Variants in WHRN observed in about 807,000 individuals in gnomAD.
The protein encoded by WHRN is CASK-interacting protein CIP98.
A neutral mutation model predicts 68.3 loss-of-function variants in WHRN; 41 were observed. That is an observed-to-expected ratio of 0.60 (90% CI 0.47 to 0.78). WHRN has a LOEUF of 0.78. Ranked by LOEUF, WHRN falls within the 30% of genes least tolerant of loss-of-function variation. WHRN has a pLI of 0.00. For missense variants in WHRN, 1,243 were observed against 1,244.7 expected (o/e 1.00, Z 0.02); for synonymous variants, 560 against 561.3 (o/e 1.00, Z 0.03).
At chr9:114,495,177 G>A (rs1221143365) in intron 1 of WHRN, among the ~76,000 whole-genome samples, 2 of 152,280 alleles carry the variant, frequency 1.3e-5, no homozygotes, top group Non-Finnish European at 2.9e-5. Context: ...CCAAACACCA[G>A]GTTGAGGAGC....
At chr9:114,490,947 A>T (rs1744811770) in intron 1 of WHRN, among the ~76,000 whole-genome samples, 1 of 152,218 alleles carries the variant, frequency 6.6e-6, no homozygotes, top group South Asian at 2.1e-4. Context: ...TTAGTCTGTT[A>T]TAATTTAAGT....
chr9:114,498,483 G>A (rs1033835613), intron 1 of WHRN, among the ~76,000 whole-genome samples: 1 of 152,116 alleles, frequency 6.6e-6, no homozygotes, highest in Admixed American at 6.5e-5. Flanking sequence ...CATCTCTGAT[G>A]TCCAAGTATC....
intron 7 of WHRN, among the ~76,000 whole-genome samples, chr9:114,411,946 G>A (rs1413210546): frequency 7.9e-5 from 12 of 152,338 alleles, no homozygotes; most frequent in Non-Finnish European, 1.5e-4. Flanking sequence ...CAACCCTCTT[G>A]GAAATGAGAG....
At chr9:114,460,311 G>A (rs1331635005) in intron 3 of WHRN, among the ~76,000 whole-genome samples, 1 of 152,210 alleles carries the variant, frequency 6.6e-6, no homozygotes, top group Non-Finnish European at 1.5e-5. Context: ...TCACCTCTCT[G>A]AGCCTCAGTT....
rs985373215 is a variant in WHRN, at chr9:114,486,689, G to A, written c.619-7918C>T. ...ACACATGGAATTTGGAGAGACAAGTGAAGAAAGTGTGGTTAAGAGCCACAG... is the reference window on the plus strand; with the variant it reads ...ACACATGGAATTTGGAGAGACAAGTAAAGAAAGTGTGGTTAAGAGCCACAG... On this transcript the variant is annotated intron_variant, in intron 1 of 11. Coordinates refer to ENST00000362057, the MANE Select transcript of WHRN (RefSeq NM_015404.4). Among the ~76,000 whole-genome samples, 6 of 151,482 alleles carry A rather than the reference G, an allele frequency of 4.0e-5. No homozygotes were observed. The Admixed American group carries it at 4.0e-4, about 10-fold the overall frequency.
chr9:114,442,869 G>A (rs1410106859), intron 3 of WHRN, among the ~76,000 whole-genome samples: 2 of 152,000 alleles, frequency 1.3e-5, no homozygotes, highest in South Asian at 2.1e-4. Flanking sequence ...TTAGAGCAAC[G>A]CAAAACGCAC....
At chr9:114,469,853 C>T (rs1026865822) in intron 2 of WHRN, among the ~76,000 whole-genome samples, 7 of 152,234 alleles carry the variant, frequency 4.6e-5, no homozygotes, top group African/African-American at 1.7e-4. Context: ...GAGGAGAACC[C>T]GCTTCCTTGC....
intron 3 of WHRN, among the ~76,000 whole-genome samples, chr9:114,453,644 A>G (rs1839525236): frequency 6.6e-6 from 1 of 152,254 alleles, no homozygotes; most frequent in Admixed American, 6.5e-5. Flanking sequence ...CACAACTTGG[A>G]TGAATGGACC....
intron 1 of WHRN, among the ~76,000 whole-genome samples, chr9:114,502,347 G>A (rs1210081889): frequency 6.6e-6 from 1 of 152,172 alleles, no homozygotes; most frequent in Non-Finnish European, 1.5e-5. Context: ...TCCCTTGCCA[G>A]CAAGGGTTTA....
chr9:114,494,928 G>T (rs1251409222), intron 1 of WHRN, among the ~76,000 whole-genome samples: 1 of 50,348 alleles, frequency 2.0e-5, no homozygotes, highest in African/African-American at 6.1e-5. Context: ...CCATGACACT[G>T]GGGGGGGGAG....
chr9:114,469,522 A>G lies in WHRN; in HGVS notation c.838-3130T>C, dbSNP rs187001480. Among the ~76,000 whole-genome samples the G allele has an allele frequency of 4.7e-3, 720 of 152,150 alleles. 18 individuals carry two copies. Among genetic ancestry groups the G allele is most frequent in the Non-Finnish European group, 1.7e-3 (114 of 67,988 alleles). On this transcript the variant is annotated intron_variant, in intron 2 of 11. Transcript: ENST00000362057. ...AAGGGAGCACCTCACCAGGGTCACA[A>G]CCCTCCCTGGAGGCAGCTCTGTGGC...
intron 3 of WHRN, among the ~76,000 whole-genome samples, chr9:114,443,561 C>T (rs145682472): frequency 5.3e-5 from 8 of 152,318 alleles, no homozygotes; most frequent in Non-Finnish European, 7.4e-5. Flanking sequence ...TGATGACACG[C>T]GACCCACCAG....
In WHRN at chr9:114,406,360, G is replaced by A. The variant is rs751846994; in HGVS notation, c.2231C>T (p.Thr744Met). Residue 744 changes from threonine (T) to methionine (M), a missense_variant, in exon 9 of 12, where the codon ACG becomes ATG. Transcript: ENST00000362057. The part of the protein sequence containing the change: ...DVNEVRALPQ[T>M]RTASTLSQLS... Reference sequence around the variant, plus strand: ...CCTGGCCTTGCTGTACTCACTGCGCGTCTGGGGCAGCGCCCTCACTTCATT... The same window carrying A: ...CCTGGCCTTGCTGTACTCACTGCGCATCTGGGGCAGCGCCCTCACTTCATT... 1.9e-5 allele frequency: 31 copies of A among 1,613,990 alleles called. No individual in the cohort carries two copies. Among genetic ancestry groups the A allele is most frequent in the South Asian group, 6.6e-5 (6 of 91,090 alleles).
Position 114,406,824 on chromosome 9 carries a change from G to C in WHRN, c.1767C>G (p.Ala589=). ...GGCCTAGTGGGAGGTCGTTGCCTTG[G>C]GCCAGAGGTGGTGGGCGAGGCAGTG... ...FKPLPRPPPL[A]QGNDLPLGQP... is the part of the protein sequence containing the mutation. Residue 589 remains alanine, a synonymous_variant, in exon 9 of 12, where the codon GCC becomes GCG. Transcript: ENST00000362057. 5.0e-6 allele frequency: 8 copies of C among 1,609,548 alleles called. No homozygotes were observed. Among genetic ancestry groups the C allele is most frequent in the Non-Finnish European group, 6.8e-6 (8 of 1,177,882 alleles).
At chr9:114,479,171 T>C (rs767850182) in intron 1 of WHRN, among the ~76,000 whole-genome samples, 3 of 152,134 alleles carry the variant, frequency 2.0e-5, no homozygotes, top group Non-Finnish European at 2.9e-5. Context: ...TAAACAGTAA[T>C]GGTTTATGCT....
intron 8 of WHRN, 93 bp downstream of exon 8, chr9:114,407,854 G>A (rs1835148481): frequency 6.5e-6 from 7 of 1,084,362 alleles, no homozygotes; most frequent in Middle Eastern, 2.7e-4. Context: ...GCCACCCTGT[G>A]CCCTTTCTCC....
At chr9:114,423,820 A>C (rs1222216082) in intron 6 of WHRN, among the ~76,000 whole-genome samples, 2 of 152,218 alleles carry the variant, frequency 1.3e-5, no homozygotes, top group Non-Finnish European at 2.9e-5. Flanking sequence ...CCTTCCACCC[A>C]GAATACCCTT....
chr9:114,429,132 T>C (rs977190516), intron 3 of WHRN, among the ~76,000 whole-genome samples: 1 of 152,204 alleles, frequency 6.6e-6, no homozygotes, highest in Non-Finnish European at 1.5e-5. Context: ...GGTTTTGCCA[T>C]GTTGCCTAGA....
chr9:114,481,755 T>G (rs966669179), intron 1 of WHRN, among the ~76,000 whole-genome samples: 1 of 152,216 alleles, frequency 6.6e-6, no homozygotes, highest in Non-Finnish European at 1.5e-5. Flanking sequence ...GCCTACTGTG[T>G]GCCAAGCCTA....
Sources: allele counts gnomAD v4.1 joint callset (sites outside exome capture counted in the v4.1 genomes callset), GRCh38; gene constraint gnomAD v4.1.1; transcripts MANE v1.5; gene names NCBI Gene and HGNC (gene_info 2026-07-23, HGNC 2026-07-21).